ABCA12: variants seen among roughly 807,000 people sequenced by gnomAD.
ABCA12 encodes glucosylceramide transporter ABCA12.
Under a neutral mutation model 293.5 loss-of-function variants are expected in ABCA12, and 156 were observed. The ratio of observed to expected loss-of-function variants is 0.53; its 90% CI spans 0.47 to 0.61. The LOEUF (loss-of-function observed/expected upper bound fraction) is 0.61, where lower values mean the gene tolerates loss of function less well. Ranked by LOEUF, ABCA12 falls within the 20% of genes least tolerant of loss-of-function variation. The pLI, the probability that ABCA12 is intolerant of heterozygous loss-of-function variation, is 0.00. For missense variants in ABCA12, 2,797 were observed against 3,090.2 expected, an observed-to-expected ratio of 0.91 and a Z score of 2.25; for synonymous variants, 1,063 against 1,108.0, an observed-to-expected ratio of 0.96 and a Z score of 0.81.
intron 2 of ABCA12, among the ~76,000 whole-genome samples, chr2:215,090,345 G>A (rs74268682): frequency 0.11 from 16,776 of 152,094 alleles, 1,260 homozygotes; most frequent in East Asian, 0.42. Flanking sequence ...ACTCCTTTGG[G>A]AGACCAGTCC....
At chr2:214,998,633 G>C (rs1700082606) in intron 22 of ABCA12, among the ~76,000 whole-genome samples, 2 of 152,184 alleles carry the variant, frequency 1.3e-5, no homozygotes, top group African/African-American at 4.8e-5. Context: ...CATGAAACCT[G>C]AAAGTTAAAT....
chr2:215,104,633 T>C (rs1211533248), intron 2 of ABCA12, among the ~76,000 whole-genome samples: 1 of 152,238 alleles, frequency 6.6e-6, no homozygotes, highest in Non-Finnish European at 1.5e-5. Context: ...GTCAGTAATG[T>C]TTCCCAAAAA....
intron 8 of ABCA12, among the ~76,000 whole-genome samples, chr2:215,033,288 T>G (rs531110588): frequency 6.6e-6 from 1 of 152,366 alleles, no homozygotes; most frequent in African/African-American, 2.4e-5. Flanking sequence ...TGTTGAGATT[T>G]ATGCCTTTGC....
chr2:214,937,456 C>A, intron 51 of ABCA12, 54 bp downstream of exon 51: 1 of 1,465,298 alleles, frequency 6.8e-7, no homozygotes, highest in Non-Finnish European at 9.6e-7. Context: ...CCTCGGACTC[C>A]CAAAGTGCTG....
chr2:215,008,470 G>A (rs915868911), intron 18 of ABCA12, among the ~76,000 whole-genome samples: 5 of 151,374 alleles, frequency 3.3e-5, no homozygotes, highest in Non-Finnish European at 5.9e-5. Context: ...GAGTAAATTC[G>A]GTGTTATAAA....
chr2:215,086,919 T>TTCATTATTATTATTATTATTATTA (rs1425030663), intron 2 of ABCA12, among the ~76,000 whole-genome samples: 1 of 151,016 alleles, frequency 6.6e-6, no homozygotes, highest in African/African-American at 2.5e-5. Flanking sequence ...TAACTACCAG[T>TTCATTATTATTATTATTATTATTA]TTATTATTAT....
At chr2:215,119,577 G>T (rs1289829239) in intron 1 of ABCA12, among the ~76,000 whole-genome samples, 1 of 151,878 alleles carries the variant, frequency 6.6e-6, no homozygotes, top group Admixed American at 6.6e-5. Flanking sequence ...ATCCCCCATT[G>T]CTTGGTTTTG....
At chr2:214,990,641 A>C (rs1699890510) in intron 24 of ABCA12, 61 bp downstream of exon 24, 1 of 1,556,712 alleles carries the variant, frequency 6.4e-7, no homozygotes, top group Admixed American at 1.7e-5. Flanking sequence ...ATCCAAAAAC[A>C]AACAAACAAA....
chr2:214,935,625 T>C (rs1698195740), intron 51 of ABCA12, among the ~76,000 whole-genome samples: 1 of 152,088 alleles, frequency 6.6e-6, no homozygotes, highest in Non-Finnish European at 1.5e-5. Context: ...AGTGAGATTC[T>C]GTCTCTACAA....
chr2:215,048,289 C>A lies in ABCA12; in HGVS notation c.693+1337G>T, dbSNP rs1701243597. On this transcript the variant is annotated intron_variant, in intron 6 of 52. Transcript: ENST00000272895. ...CTCAAAGACCTAAAAACAGAGCTAC[C>A]ATTCAACCCAGTAATCCCATTACTG... Among the ~76,000 whole-genome samples, 5 of 152,084 alleles carry A rather than the reference C, an allele frequency of 3.3e-5. No homozygotes were observed. The South Asian group carries it at 1.0e-3, about 31-fold the overall frequency.
At position 215,001,068 on chromosome 2, in the gene ABCA12, C is replaced by T. The variant is rs375469851; in HGVS notation, c.2864-48G>A. ...AGCAGAAAGGTTATTTTATGGTTGACGTTATTCATTGTTTGGAGAGTACAC... is the reference window on the plus strand; with the variant it reads ...AGCAGAAAGGTTATTTTATGGTTGATGTTATTCATTGTTTGGAGAGTACAC... On this transcript the variant is annotated intron_variant, in intron 21 of 52. Coordinates refer to ENST00000272895, the MANE Select transcript of ABCA12 (RefSeq NM_173076.3). 3.7e-5 allele frequency: 59 copies of T among 1,581,540 alleles called. No homozygotes were observed. In the African/African-American group the frequency reaches 6.7e-4, roughly 18 times the overall value.
chr2:214,956,983 G>A (rs955178215), intron 41 of ABCA12, among the ~76,000 whole-genome samples: 7 of 152,112 alleles, frequency 4.6e-5, no homozygotes, highest in Admixed American at 2.0e-4. Flanking sequence ...GCAATATGAG[G>A]TTAAGCCAAT....
intron 7 of ABCA12, among the ~76,000 whole-genome samples, chr2:215,043,702 T>A (rs1701147620): frequency 1.3e-5 from 2 of 152,128 alleles, no homozygotes; most frequent in African/African-American, 2.4e-5. Flanking sequence ...GTGATCATTT[T>A]AATTGTATAA....
At position 215,111,731 on chromosome 2, in the gene ABCA12, G is replaced by A; in HGVS notation, c.70-41C>T. ...AGAAAAAATTGTTAGTTTTATTGTT[G>A]AACCAAAGATTTTTAAAACCTGACT... On this transcript the variant is annotated intron_variant, in intron 1 of 52. Coordinates refer to ENST00000272895, the MANE Select transcript of ABCA12 (RefSeq NM_173076.3). 2.7e-6 allele frequency: 4 copies of A among 1,480,620 alleles called. No homozygotes were observed. In the South Asian group the frequency reaches 4.6e-5, roughly 17 times the overall value. The allele number at this position is 1,480,620 out of a possible 1,614,324, so 91.7% of individuals were successfully genotyped here. A position where few individuals can be genotyped will look rare whatever the true frequency, so the allele number is the denominator to read the frequency against.
intron 1 of ABCA12, among the ~76,000 whole-genome samples, chr2:215,131,619 T>C (rs368403290): frequency 6.6e-6 from 1 of 151,698 alleles, no homozygotes; most frequent in South Asian, 2.1e-4. Context: ...GAATCTTTCT[T>C]TTTTCCTTAG....
chr2:215,094,748 C>T (rs1702216351), intron 2 of ABCA12, among the ~76,000 whole-genome samples: 1 of 152,182 alleles, frequency 6.6e-6, no homozygotes, highest in Non-Finnish European at 1.5e-5. Flanking sequence ...TATGTGCTTT[C>T]TAATACACCA....
chr2:215,052,547 G>A lies in ABCA12; in HGVS notation c.447C>T (p.Ile149=). The A allele has an allele frequency of 1.9e-6, 3 of 1,612,670 alleles. No homozygotes were observed. The highest frequency in any genetic ancestry group is 2.5e-6 in the Non-Finnish European group (3 of 1,178,996). Residue 149 remains isoleucine, a synonymous_variant, in exon 5 of 53, where the codon ATC becomes ATT. Coordinates refer to ENST00000272895, the MANE Select transcript of ABCA12 (RefSeq NM_173076.3). ...VFPSPSSDLE[I]PGTYTFNGSQ... ...TGCCATTGAAAGTATATGTTCCGGG[G>A]ATTTCCAAATCAGAACTTGGACTGG...
intron 18 of ABCA12, among the ~76,000 whole-genome samples, chr2:215,009,894 C>T (rs989070664): frequency 7.2e-5 from 11 of 152,070 alleles, no homozygotes; most frequent in East Asian, 1.9e-4. Context: ...ATAAATGAGA[C>T]GTTAAATTGT....
chr2:214,939,089 GTGTTTA>G (rs773679424), intron 50 of ABCA12, among the ~76,000 whole-genome samples: 10 of 151,638 alleles, frequency 6.6e-5, no homozygotes, highest in South Asian at 4.2e-4. Context: ...TTATGTTTAA[GTGTTTA>G]TGTTTATGTT....
Sources: allele counts gnomAD v4.1 joint callset (sites outside exome capture counted in the v4.1 genomes callset), GRCh38; gene constraint gnomAD v4.1.1; transcripts MANE v1.5; gene names NCBI Gene and HGNC (gene_info 2026-07-23, HGNC 2026-07-21).